Variants in ZBTB11 observed in about 807,000 individuals in gnomAD.
ZBTB11 encodes zinc finger and BTB domain-containing protein 11.
A neutral mutation model predicts 113.1 loss-of-function variants in ZBTB11; 68 were observed. That is an observed-to-expected ratio of 0.60 (90% CI 0.49 to 0.74). The LOEUF (loss-of-function observed/expected upper bound fraction) is 0.74, where lower values mean the gene tolerates loss of function less well. Among genes scored for constraint, ZBTB11 ranks in the 30% least tolerant of loss-of-function variants. ZBTB11 has a pLI of 0.00. For synonymous variants in ZBTB11, 518 were observed against 452.6 expected (o/e 1.14, Z -1.83); for missense variants, 1,104 against 1,279.4 (o/e 0.86, Z 2.09).
chr3:101,663,526 G>T (rs1049478948), intron 5 of ZBTB11, among the ~76,000 whole-genome samples: 2 of 152,190 alleles, frequency 1.3e-5, no homozygotes, highest in Non-Finnish European at 2.9e-5. Flanking sequence ...GCTGTCTTTT[G>T]TTACTGGGCT....
intron 3 of ZBTB11, among the ~76,000 whole-genome samples, chr3:101,669,246 A>G (rs1937046960): frequency 6.6e-6 from 1 of 152,160 alleles, no homozygotes; most frequent in African/African-American, 2.4e-5. Context: ...GTTGTCCGGG[A>G]TGGTCTCGAA....
chr3:101,674,739 C>A (rs7651721), intron 1 of ZBTB11, among the ~76,000 whole-genome samples: 44,308 of 150,518 alleles, frequency 0.29, 6,926 homozygotes, highest in Non-Finnish European at 0.34. Flanking sequence ...AAATAAACAT[C>A]GTCTCAGGTT....
At position 101,651,445 on chromosome 3, in the gene ZBTB11, C is replaced by T. The variant is rs566978820; in HGVS notation, c.2883G>A (p.Val961=). ...CTGTTAAGATGCTAACAGCATGTGC[C>T]ACTTGAGTTCCTTGGTTATGAAACT... The part of the protein sequence containing the change: ...TLQFHNQGTQ[V]AHAVSILTAG... The change falls in exon 11 of 11, where the codon GTG becomes GTA. Residue 961 remains valine, a synonymous_variant. Coordinates refer to ENST00000312938, the MANE Select transcript of ZBTB11 (RefSeq NM_014415.4). 15 of 1,614,140 alleles carry T rather than the reference C, an allele frequency of 9.3e-6. No individual in the cohort carries two copies. The highest frequency in any genetic ancestry group is 3.3e-5 in the Admixed American group (2 of 60,018).
In ZBTB11 at chr3:101,650,404, T is replaced by A. The variant is rs1936681696; in HGVS notation, c.*762A>T. ...TTTCCTGTCAACAGTGTTTAATAAC[T>A]GTGTTCTTTTCTCATGGTCAATTTA... On this transcript the variant is annotated 3_prime_UTR_variant, in exon 11 of 11. Transcript: ENST00000312938. The A allele has an allele frequency of 6.6e-6, 1 of 152,650 alleles. No individual in the cohort carries two copies. The highest frequency in any genetic ancestry group is 2.4e-5 in the African/African-American group (1 of 41,456). The allele number at this position is 152,650 out of a possible 1,614,324, so 9.5% of individuals were successfully genotyped here.
intron 3 of ZBTB11, among the ~76,000 whole-genome samples, chr3:101,666,884 G>GC (rs1239807545): frequency 6.6e-6 from 1 of 152,090 alleles, no homozygotes; most frequent in Non-Finnish European, 1.5e-5. Context: ...CGGAGTAGGT[G>GC]CGACTACAGG....
chr3:101,659,434 G>A (rs910447851), intron 6 of ZBTB11, among the ~76,000 whole-genome samples: 3 of 152,008 alleles, frequency 2.0e-5, no homozygotes, highest in Non-Finnish European at 2.9e-5. Flanking sequence ...GGACTTTTAC[G>A]GACCACAGAG....
rs546861177 is a variant in ZBTB11 at position 101,650,453 on chromosome 3, T to C, written c.*713A>G. ...TACTTGCCTTGAAGAAATAGTATAG[T>C]AAGGTTTTAATAAGCATTTCATGCA... is the stretch of plus-strand genomic sequence containing the variant. On this transcript the variant is annotated 3_prime_UTR_variant, in exon 11 of 11. Coordinates refer to ENST00000312938, the MANE Select transcript of ZBTB11 (RefSeq NM_014415.4). 1.9e-3 allele frequency: 296 copies of C among 152,754 alleles called. 2 individuals are homozygous for C. Among genetic ancestry groups the C allele is most frequent in the Non-Finnish European group, 1.5e-3 (104 of 68,010 alleles). The allele number at this position is 152,754 out of a possible 1,614,324, so 9.5% of individuals were successfully genotyped here. A position where few individuals can be genotyped will look rare whatever the true frequency, so the allele number is the denominator to read the frequency against.
At chr3:101,674,502 G>A (rs1459517296) in intron 1 of ZBTB11, among the ~76,000 whole-genome samples, 1 of 152,020 alleles carries the variant, frequency 6.6e-6, no homozygotes, top group Non-Finnish European at 1.5e-5. Context: ...TCTGAGCTCA[G>A]GAGTTCGAGC....
rs748569524 is a variant in ZBTB11, at chr3:101,650,664, G to A, written c.*502C>T. 5 of 152,566 alleles carry A rather than the reference G, an allele frequency of 3.3e-5. No homozygotes were observed. The highest frequency in any genetic ancestry group is 2.1e-4 in the South Asian group (1 of 4,828). The allele number at this position is 152,566 out of a possible 1,614,324, so 9.5% of individuals were successfully genotyped here. A position where few individuals can be genotyped will look rare whatever the true frequency, so the allele number is the denominator to read the frequency against. On this transcript the variant is annotated 3_prime_UTR_variant, in exon 11 of 11. Transcript: ENST00000312938. ...CACAGATCTAAAGCATTTAAAAAAC[G>A]TAATATACCTATGCATCCTATTGAA...
intron 1 of ZBTB11, among the ~76,000 whole-genome samples, chr3:101,673,421 A>G (rs1416732745): frequency 6.6e-6 from 1 of 152,220 alleles, no homozygotes; most frequent in Non-Finnish European, 1.5e-5. Context: ...TCAAATAAGT[A>G]CAAATGAAAA....
rs1936952728 is a variant in ZBTB11, at chr3:101,664,791, CAA to C, written c.1624-79_1624-78del. 2.1e-5 allele frequency: 32 copies of C among 1,494,380 alleles called. 1 individual carries two copies. In the South Asian group the frequency reaches 4.4e-4, roughly 20 times the overall value. 92.6% of individuals were successfully genotyped at this position (1,494,380 alleles called of 1,614,324 possible). ...TTAAAGTCATGTTGTAAATTTCTAA[CAA>C]AAAGATTTCAAATTCACATTATCTT... On this transcript the variant is annotated intron_variant, in intron 4 of 10. Transcript: ENST00000312938.
chr3:101,655,662 C>T (rs1191324987), intron 7 of ZBTB11, among the ~76,000 whole-genome samples: 5 of 150,690 alleles, frequency 3.3e-5, no homozygotes, highest in Non-Finnish European at 5.9e-5. Flanking sequence ...TCTGAGAAAA[C>T]GCTTTTTTTT....
chr3:101,660,887 G>A (rs1936875753), intron 5 of ZBTB11, among the ~76,000 whole-genome samples: 1 of 152,000 alleles, frequency 6.6e-6, no homozygotes, highest in African/African-American at 2.4e-5. Flanking sequence ...GCCCCCAGCT[G>A]TACTGGGAGG....
intron 6 of ZBTB11, among the ~76,000 whole-genome samples, chr3:101,658,093 T>G (rs1008485675): frequency 6.6e-6 from 1 of 152,034 alleles, no homozygotes; most frequent in African/African-American, 2.4e-5. Flanking sequence ...CAAATGCCCA[T>G]AAATCAATGA....
intron 3 of ZBTB11, among the ~76,000 whole-genome samples, chr3:101,670,335 T>C (rs1349636680): frequency 6.6e-6 from 1 of 152,224 alleles, no homozygotes; most frequent in Non-Finnish European, 1.5e-5. Flanking sequence ...GCAAGTTTTA[T>C]ATGATGAGAA....
rs944849014 is a variant in ZBTB11, at chr3:101,657,483, G to A, written c.2047-1235C>T. 9.2e-5 allele frequency among the ~76,000 whole-genome samples: 14 copies of A among 151,544 alleles called. No homozygotes were observed. In the East Asian group the frequency reaches 9.7e-4, roughly 10 times the overall value. ...ATGGCGCCACTGCACTCCAGCCTGC[G>A]GAAACAGAGTGAGACCCTGCCTCCA... On this transcript the variant is annotated intron_variant, in intron 6 of 10. Transcript: ENST00000312938.
Position 101,651,030 on chromosome 3 carries a change from G to A in ZBTB11, c.*136C>T, listed in dbSNP as rs1040427175. The A allele has an allele frequency of 7.8e-6, 8 of 1,024,406 alleles. No homozygotes were observed. In the African/African-American group the frequency reaches 1.1e-4, roughly 14 times the overall value. 63.5% of individuals were successfully genotyped at this position (1,024,406 alleles called of 1,614,324 possible). The stretch of plus-strand genomic sequence containing the variant: ...AACCCATTGGCCAGACAAAATGTTT[G>A]GAAACGTTACGTTACCAAACAGCCC... On this transcript the variant is annotated 3_prime_UTR_variant, in exon 11 of 11. Transcript: ENST00000312938.
chr3:101,659,813 C>T lies in ZBTB11; in HGVS notation c.2016G>A (p.Lys672=). The change falls in exon 6 of 11, where the codon AAG becomes AAA. Residue 672 remains lysine, a synonymous_variant. Transcript: ENST00000312938. The part of the protein sequence containing the change: ...KLYSLRIHML[K]HTGVKPHACQ... The stretch of plus-strand genomic sequence containing the variant: ...ATGCATGTGGCTTTACACCTGTGTG[C>T]TTTAACATATGTATTCGGAGAGAAT... 3.7e-6 allele frequency: 6 copies of T among 1,614,146 alleles called. No homozygotes were observed. Among genetic ancestry groups the T allele is most frequent in the Non-Finnish European group, 4.2e-6 (5 of 1,180,024 alleles).
intron 3 of ZBTB11, among the ~76,000 whole-genome samples, chr3:101,668,881 C>CAAA (rs574976204): frequency 0.011 from 1,634 of 151,638 alleles, 18 homozygotes; most frequent in Non-Finnish European, 0.016. Flanking sequence ...ATTAAGAGGG[C>CAAA]AAATTTTGTT....
Sources: allele counts gnomAD v4.1 joint callset (sites outside exome capture counted in the v4.1 genomes callset), GRCh38; gene constraint gnomAD v4.1.1; transcripts MANE v1.5; gene names NCBI Gene and HGNC (gene_info 2026-07-23, HGNC 2026-07-21).